Variants in DNAH1 observed in about 807,000 individuals in gnomAD.
The protein encoded by DNAH1 is axonemal beta dynein heavy chain 1.
A neutral mutation model predicts 484.3 loss-of-function variants in DNAH1; 327 were observed. The observed-to-expected ratio is 0.68, with a 90% CI of 0.62 to 0.74. DNAH1 has a LOEUF of 0.74. DNAH1 is among the 30% of genes least tolerant of loss of function. DNAH1 has a pLI of 0.00. For synonymous variants in DNAH1, 2,192 were observed against 2,191.9 expected, an observed-to-expected ratio of 1.00 and a Z score of 0.00; for missense variants, 5,052 against 5,546.8, an observed-to-expected ratio of 0.91 and a Z score of 2.83.
chr3:52,382,581 C>A (rs779450777), intron 50 of DNAH1, 126 bp downstream of exon 50: 145 of 1,444,074 alleles, frequency 1.0e-4, no homozygotes, highest in Non-Finnish European at 1.3e-4. Context: ...TCAGAAGAGA[C>A]CACCAGGACC....
intron 8 of DNAH1, among the ~76,000 whole-genome samples, chr3:52,343,594 C>T (rs988419668): frequency 5.9e-5 from 9 of 152,078 alleles, no homozygotes; most frequent in Non-Finnish European, 2.9e-5. Flanking sequence ...AGACCAGTCC[C>T]CTGCCTACGA....
In DNAH1 at chr3:52,368,530, G is replaced by A. The variant is rs1703178745; in HGVS notation, c.5766-211G>A. ...CTGTTGGGATTTCACCTTTAATGGG[G>A]CTTCAGCAGGGCAGGGACATAAGCA... is the stretch of plus-strand genomic sequence containing the variant. On this transcript the variant is annotated intron_variant, in intron 36 of 77. Coordinates refer to ENST00000420323, the MANE Select transcript of DNAH1 (RefSeq NM_015512.5). This position sits in a 1 kb window ranked among gnomAD's most constrained non-coding sequence, Gnocchi z 4.4. Among the ~76,000 whole-genome samples the A allele has an allele frequency of 6.6e-6, 1 of 152,130 alleles. No individual in the cohort carries two copies.
At chr3:52,356,505 T>C (rs1702614882) in intron 21 of DNAH1, 109 bp from the exon 22 acceptor site, 1 of 1,122,634 alleles carries the variant, frequency 8.9e-7, no homozygotes, top group South Asian at 1.5e-5. Context: ...TGGTGTCCAG[T>C]GCTCTGCCCA....
rs1156669962 is a variant in DNAH1 at position 52,353,487 on chromosome 3, G to A, written c.3334G>A (p.Glu1112Lys). 1 of 1,613,948 alleles carries A rather than the reference G, an allele frequency of 6.2e-7. No individual in the cohort carries two copies. Among genetic ancestry groups the A allele is most frequent in the Non-Finnish European group, 8.5e-7 (1 of 1,179,894 alleles). ...RNPGMRIRHW[E>K]TLSNQININV... The stretch of plus-strand genomic sequence containing the variant: ...CCCTGGCATGCGGATCCGGCACTGG[G>A]AGACACTGTCCAACCAGATCAACAT... Residue 1112 changes from glutamate (E) to lysine (K), a missense_variant, in exon 20 of 78, where the codon GAG (glutamate) becomes AAG (lysine). Physicochemically the swap from Glu to Lys is moderately conservative, Grantham distance 56. Around this residue, in one of 4 missense-constraint regions of DNAH1, gnomAD observed 2,929 missense variants for 3,409.4 expected, o/e 0.86. Transcript: ENST00000420323. The surrounding 1 kb of genome is among the most constrained non-coding windows in gnomAD (Gnocchi z 5.0).
intron 8 of DNAH1, among the ~76,000 whole-genome samples, chr3:52,335,791 C>T (rs1391340495): frequency 1.3e-5 from 2 of 151,686 alleles, no homozygotes; most frequent in East Asian, 1.9e-4. Flanking sequence ...TGTGCCACCA[C>T]GCCCAGATAA....
chr3:52,388,241 T>C lies in DNAH1; in HGVS notation c.9078T>C (p.Ile3026=). The change falls in exon 57 of 78, where the codon ATT becomes ATC. Residue 3026 remains isoleucine (I), a synonymous_variant. Coordinates refer to ENST00000420323, the MANE Select transcript of DNAH1 (RefSeq NM_015512.5). The part of the protein sequence containing the change: ...IDNEEFQPAT[I]AKVSKACTSI... ...ATGAAGAGTTCCAGCCAGCCACCAT[T>C]GCCAAGGTGTCCAAGGCTTGCACCT... 1 of 1,606,378 alleles carries C rather than the reference T, an allele frequency of 6.2e-7. No individual in the cohort carries two copies. Among genetic ancestry groups the C allele is most frequent in the Non-Finnish European group, 8.5e-7 (1 of 1,176,496 alleles).
At chr3:52,374,883 C>T in intron 44 of DNAH1, 1 of 1,080,312 alleles carries the variant, frequency 9.3e-7, no homozygotes, top group Non-Finnish European at 1.4e-6. Context: ...AGCCAATCCC[C>T]AGGTACTAAA....
chr3:52,345,513 A>C lies in DNAH1; in HGVS notation c.1463A>C (p.Lys488Thr), dbSNP rs1359422881. ...VPERGLVSVP[K>T]YHFWEQKEDF... ...CCTGCAGGGCTGGTGAGTGTCCCCA[A>C]GTACCACTTCTGGGAGCAGAAGGAG... is the stretch of plus-strand genomic sequence containing the variant. Residue 488 changes from lysine (K) to threonine (T), a missense_variant, in exon 10 of 78, where the codon AAG becomes ACG. This residue lies in a region of DNAH1 where 1,263 missense variants were observed against 1,218.8 expected (regional missense o/e 1.04). Transcript: ENST00000420323. The C allele has an allele frequency of 6.4e-7, 1 of 1,569,204 alleles. No homozygotes were observed. Among genetic ancestry groups the C allele is most frequent in the Admixed American group, 1.9e-5 (1 of 53,090 alleles).
rs767680683 is a variant in DNAH1 at position 52,364,623 on chromosome 3, T to C, written c.5245-15T>C. On this transcript the variant is annotated splice_polypyrimidine_tract_variant and intron_variant, in intron 32 of 77. Transcript: ENST00000420323. The surrounding 1 kb of genome is among the most constrained non-coding windows in gnomAD (Gnocchi z 4.2). ...GGGACAGTGCTCACCCATGCCTCCT[T>C]CTGTATGGCGACAGGATCACTATGA... The C allele has an allele frequency of 4.3e-6, 7 of 1,613,870 alleles. No individual in the cohort carries two copies. The highest frequency in any genetic ancestry group is 1.1e-5 in the South Asian group (1 of 91,086).
chr3:52,396,323 C>T, intron 70 of DNAH1, 45 bp from the exon 71 acceptor site: 3 of 1,536,792 alleles, frequency 2.0e-6, no homozygotes, highest in South Asian at 1.2e-5. Context: ...TCAGGGTGGC[C>T]ACCAGATATG....
chr3:52,381,404 C>T lies in DNAH1; in HGVS notation c.7609-236C>T, dbSNP rs1037580228. 6.6e-5 allele frequency among the ~76,000 whole-genome samples: 10 copies of T among 152,186 alleles called. No homozygotes were observed. The highest frequency in any genetic ancestry group is 2.1e-4 in the South Asian group (1 of 4,828). On this transcript the variant is annotated intron_variant, in intron 48 of 77. Transcript: ENST00000420323. This position sits in a 1 kb window ranked among gnomAD's most constrained non-coding sequence, Gnocchi z 4.1. The stretch of plus-strand genomic sequence containing the variant: ...CTGGGATTACAGGCGTGAGCCACCG[C>T]GCTAGGCCAATCCCTCAGTGTTTTG...
intron 20 of DNAH1, among the ~76,000 whole-genome samples, chr3:52,354,274 G>A (rs900276328): frequency 1.3e-5 from 2 of 152,182 alleles, no homozygotes; most frequent in Admixed American, 6.5e-5. Flanking sequence ...TGAGACCAGC[G>A]CCCACACTCC....
At chr3:52,332,009 C>G (rs1202801191) in intron 7 of DNAH1, 133 bp from the exon 8 acceptor site, 2 of 1,176,524 alleles carry the variant, frequency 1.7e-6, no homozygotes, top group Middle Eastern at 2.0e-4. Context: ...TTCACAGATG[C>G]AACAGGGGGT....
In DNAH1 at chr3:52,344,472, T is replaced by C. The variant is rs752852935; in HGVS notation, c.1287-18T>C. ...GTGTGGAGCCCCTGATTCCCCCATC[T>C]CCCATCTCTATGGGCAGGGTTCTAG... On this transcript the variant is annotated intron_variant, in intron 8 of 77. Transcript: ENST00000420323. The C allele has an allele frequency of 1.9e-6, 3 of 1,609,760 alleles. No homozygotes were observed. In the African/African-American group the frequency reaches 4.0e-5, roughly 22 times the overall value.
At position 52,379,831 on chromosome 3, in the gene DNAH1, C is replaced by T. The variant is rs577716438; in HGVS notation, c.7378-74C>T. ...GCCCCAGGAACTGGGGCCCACCCTCCCTTGCCTGGTGGTTTGAGAGATAGC... is the reference window on the plus strand; with the variant it reads ...GCCCCAGGAACTGGGGCCCACCCTCTCTTGCCTGGTGGTTTGAGAGATAGC... On this transcript the variant is annotated intron_variant, in intron 47 of 77. Transcript: ENST00000420323. The surrounding 1 kb of genome is among the most constrained non-coding windows in gnomAD (Gnocchi z 4.4). 86 of 1,370,322 alleles carry T rather than the reference C, an allele frequency of 6.3e-5. No individual in the cohort carries two copies. The African/African-American group carries it at 1.1e-3, about 18-fold the overall frequency. 84.9% of individuals were successfully genotyped at this position (1,370,322 alleles called of 1,614,324 possible).
Position 52,383,914 on chromosome 3 carries a change from C to T in DNAH1, c.8205C>T (p.Asn2735=), listed in dbSNP as rs780377167. ...ARLRQFPSLV[N]CCTIDWFNEW... ...TGAGGCAGTTTCCCTCCCTGGTCAA[C>T]TGCTGTACCATCGACTGGTTTAACG... Residue 2735 remains asparagine (N), a synonymous_variant, in exon 52 of 78, where the codon AAC becomes AAT. Transcript: ENST00000420323. 8 of 1,613,516 alleles carry T rather than the reference C, an allele frequency of 5.0e-6. No homozygotes were observed. The highest frequency in any genetic ancestry group is 5.9e-6 in the Non-Finnish European group (7 of 1,179,614).
chr3:52,331,619 CTTTTTT>C (rs36097098), intron 7 of DNAH1, among the ~76,000 whole-genome samples: 1 of 111,374 alleles, frequency 9.0e-6, no homozygotes, highest in Non-Finnish European at 1.9e-5. Flanking sequence ...AAATACTTTT[CTTTTTT>C]TTTTTTTTTT....
chr3:52,357,344 A>C (rs1461963378), intron 22 of DNAH1, among the ~76,000 whole-genome samples: 1 of 152,152 alleles, frequency 6.6e-6, no homozygotes, highest in East Asian at 1.9e-4. Context: ...GTGAGCCACC[A>C]TGCCCGGCCC....
In DNAH1 at chr3:52,360,001, A is replaced by G. The variant is rs376317657; in HGVS notation, c.4493A>G (p.His1498Arg). 29 of 1,613,856 alleles carry G rather than the reference A, an allele frequency of 1.8e-5. No homozygotes were observed. The South Asian group carries it at 2.2e-4, about 12-fold the overall frequency. ...VLSALIVIEVHAKDVVSKLIQ... is the reference protein window; with the variant it reads ...VLSALIVIEVRAKDVVSKLIQ... ...TCAGCGCTAATCGTCATTGAGGTCC[A>G]TGCCAAGGACGTGGTGAGCAAGCTA... The change falls in exon 27 of 78, where the codon CAT becomes CGT. Residue 1498 changes from histidine to arginine, a missense_variant. By Grantham distance (29) the His-to-Arg change is conservative. This residue lies in a region of DNAH1 where 2,929 missense variants were observed against 3,409.4 expected (regional missense o/e 0.86). Transcript: ENST00000420323.
Sources: allele counts gnomAD v4.1 joint callset (sites outside exome capture counted in the v4.1 genomes callset), GRCh38; gene constraint gnomAD v4.1.1; regional missense constraint gnomAD v4.1.1; non-coding constraint Gnocchi (gnomAD v3.1); transcripts MANE v1.5; gene names NCBI Gene and HGNC (gene_info 2026-07-23, HGNC 2026-07-21).